The following ZNF831 variants were observed in gnomAD, a reference collection of about 807,000 sequenced individuals.
ZNF831 encodes chromosome 20 open reading frame 174.
In ZNF831, 59 loss-of-function variants were observed where a neutral mutation model predicts 95.8. The ratio of observed to expected loss-of-function variants is 0.62; its 90% CI spans 0.50 to 0.77. The LOEUF (loss-of-function observed/expected upper bound fraction) is 0.77, where lower values mean the gene tolerates loss of function less well. Ranked by LOEUF, ZNF831 falls within the 30% of genes least tolerant of loss-of-function variation. The pLI is 0.00. For synonymous variants in ZNF831, 961 were observed against 925.5 expected (o/e 1.04, Z -0.70); for missense variants, 2,205 against 2,164.0 (o/e 1.02, Z -0.38).
In ZNF831 at chr20:59,195,852, A is replaced by T; in HGVS notation, c.3739-17A>T. On this transcript the variant is annotated splice_polypyrimidine_tract_variant and intron_variant, in intron 2 of 5. Transcript: ENST00000371030. The stretch of plus-strand genomic sequence containing the variant: ...GGACTTTGAGTAATGTGATGCCAAC[A>T]TGCTTGGTGTTTTCAGTTCTCCTAC... The T allele has an allele frequency of 6.2e-7, 1 of 1,607,302 alleles. No individual in the cohort carries two copies. Among genetic ancestry groups the T allele is most frequent in the East Asian group, 2.2e-5 (1 of 44,770 alleles).
At chr20:59,133,437 C>A (rs541134732) in intron 1 of ZNF831, among the ~76,000 whole-genome samples, 6 of 152,182 alleles carry the variant, frequency 3.9e-5, no homozygotes, top group Non-Finnish European at 8.8e-5. Context: ...AAGTTCTTAT[C>A]CAAACTCAAT....
In ZNF831 at chr20:59,169,228, G is replaced by A. The variant is rs1364272042; in HGVS notation, c.-37+5021G>A. ...ATTCAATCTGATAAATAGTTATAGT[G>A]TGATTCTCATGTGATTCAAATGATC... On this transcript the variant is annotated intron_variant, in intron 1 of 5. Coordinates refer to ENST00000371030, the MANE Select transcript of ZNF831 (RefSeq NM_178457.3). The surrounding 1 kb of genome is among the most constrained non-coding windows in gnomAD (Gnocchi z 4.1). Among the ~76,000 whole-genome samples, 2 of 152,186 alleles carry A rather than the reference G, an allele frequency of 1.3e-5. No homozygotes were observed. The highest frequency in any genetic ancestry group is 2.9e-5 in the Non-Finnish European group (2 of 68,046).
chr20:59,240,696 G>A (rs111536798), intron 4 of ZNF831, among the ~76,000 whole-genome samples: 56 of 152,188 alleles, frequency 3.7e-4, no homozygotes, highest in African/African-American at 9.9e-4. Context: ...CAGCTACTCC[G>A]GAGGCTGAGG....
At position 59,193,540 on chromosome 20, in the gene ZNF831, G is replaced by T. The variant is rs200422985; in HGVS notation, c.2521G>T (p.Ala841Ser). 6.2e-7 allele frequency: 1 copy of T among 1,605,498 alleles called. No individual in the cohort carries two copies. Among genetic ancestry groups the T allele is most frequent in the Non-Finnish European group, 8.5e-7 (1 of 1,176,262 alleles). ...CTGGAAGCAACCAGAGCCTGTGAGC[G>T]CAGAGACCCCAGGTGGGCCCACGCA... ...HSWKQPEPVS[A>S]ETPGGPTQPA... The change falls in exon 2 of 6, where the codon GCA (alanine) becomes TCA (serine). Residue 841 changes from alanine (A) to serine (S), a missense_variant. By Grantham distance (99) the Ala-to-Ser change is moderately conservative. Coordinates refer to ENST00000371030, the MANE Select transcript of ZNF831 (RefSeq NM_178457.3).
chr20:59,185,978 T>A (rs1982999558), intron 1 of ZNF831, among the ~76,000 whole-genome samples: 2 of 152,186 alleles, frequency 1.3e-5, no homozygotes, highest in African/African-American at 2.4e-5. Context: ...AGGCAGTGCT[T>A]CTGTGTCTGA....
intron 4 of ZNF831, among the ~76,000 whole-genome samples, chr20:59,223,263 C>G (rs1986216525): frequency 6.6e-6 from 1 of 152,146 alleles, no homozygotes; most frequent in African/African-American, 2.4e-5. Context: ...GGATGTAAAG[C>G]AGAATCCAGG....
In ZNF831 at chr20:59,216,928, G is replaced by A. The variant is rs1985719991; in HGVS notation, c.4027+9872G>A. On this transcript the variant is annotated intron_variant, in intron 4 of 5. Transcript: ENST00000371030. ...TGACTGATTAGAAGACCACTGACAGGTGGGGCACTTTTGTTCTTAAAAAAA... is the reference window on the plus strand; with the variant it reads ...TGACTGATTAGAAGACCACTGACAGATGGGGCACTTTTGTTCTTAAAAAAA... Among the ~76,000 whole-genome samples, 6 of 150,352 alleles carry A rather than the reference G, an allele frequency of 4.0e-5. No homozygotes were observed. In the South Asian group the frequency reaches 1.2e-3, roughly 31 times the overall value.
At chr20:59,250,792 G>T (rs1175711638) in intron 4 of ZNF831, among the ~76,000 whole-genome samples, 1 of 152,114 alleles carries the variant, frequency 6.6e-6, no homozygotes, top group Admixed American at 6.5e-5. Context: ...AAACTCATTG[G>T]AATATAAAGT....
intron 3 of ZNF831, among the ~76,000 whole-genome samples, chr20:59,205,378 C>T (rs1342005892): frequency 2.0e-5 from 3 of 152,192 alleles, no homozygotes; most frequent in African/African-American, 7.2e-5. Flanking sequence ...ACAAACCAGC[C>T]ACCACTGCCT....
At chr20:59,221,406 G>A (rs1371687829) in intron 4 of ZNF831, among the ~76,000 whole-genome samples, 2 of 152,148 alleles carry the variant, frequency 1.3e-5, no homozygotes, top group African/African-American at 4.8e-5. Flanking sequence ...AGGCCTCCCT[G>A]GCAATACTGT....
intron 1 of ZNF831, among the ~76,000 whole-genome samples, chr20:59,135,086 C>A (rs1979461370): frequency 6.6e-6 from 1 of 152,150 alleles, no homozygotes; most frequent in South Asian, 2.1e-4. Context: ...TATTATTATT[C>A]TTGTTGACCC....
At chr20:59,148,270 C>T (rs1251267861) in intron 2 of ZNF831, among the ~76,000 whole-genome samples, 1 of 152,094 alleles carries the variant, frequency 6.6e-6, no homozygotes, top group African/African-American at 2.4e-5. Flanking sequence ...GGGCTGGCCT[C>T]TCTGTTGAGG....
rs773949925 is a variant in ZNF831 at position 59,257,615 on chromosome 20, A to C, written c.*2872A>C. 6.6e-6 allele frequency: 1 copy of C among 152,236 alleles called. No homozygotes were observed. The highest frequency in any genetic ancestry group is 1.5e-5 in the Non-Finnish European group (1 of 68,044). 9.4% of individuals were successfully genotyped at this position (152,236 alleles called of 1,614,324 possible). On this transcript the variant is annotated 3_prime_UTR_variant, in exon 6 of 6. Coordinates refer to ENST00000371030, the MANE Select transcript of ZNF831 (RefSeq NM_178457.3). ...AACTACCACAGTTTTATACTCTGCA[A>C]GTGTGTACTGCATGATGGTTAAGGA...
intron 1 of ZNF831, among the ~76,000 whole-genome samples, chr20:59,128,494 A>G (rs1171711139): frequency 6.6e-6 from 1 of 152,248 alleles, no homozygotes; most frequent in Non-Finnish European, 1.5e-5. Context: ...CCTGGGGGAC[A>G]GTGCCCAGAT....
chr20:59,244,799 AT>A (rs1255562771), intron 4 of ZNF831, among the ~76,000 whole-genome samples: 1 of 152,112 alleles, frequency 6.6e-6, no homozygotes, highest in Non-Finnish European at 1.5e-5. Context: ...ACGTATATAG[AT>A]TGTTTTAATA....
intron 4 of ZNF831, among the ~76,000 whole-genome samples, chr20:59,243,351 AC>A (rs1349852116): frequency 1.3e-5 from 2 of 152,230 alleles, no homozygotes; most frequent in Non-Finnish European, 2.9e-5. Flanking sequence ...TAAAAGGTTT[AC>A]CTAATCACGT....
chr20:59,198,526 A>G (rs1984286923), intron 3 of ZNF831, among the ~76,000 whole-genome samples: 1 of 152,128 alleles, frequency 6.6e-6, no homozygotes, highest in African/African-American at 2.4e-5. Context: ...TGGCCCCCAT[A>G]GCATTTGAGT....
rs1368516338 is a variant in ZNF831, at chr20:59,150,122, A to G, written c.-1281+3748A>G. ...GGTAACCACCAGGCTCCTCACAGAA[A>G]CCAAAGAGGAACAGATTTTAGATTT... On this transcript the variant is annotated intron_variant, in intron 2 of 7. Coordinates refer to the ZNF831 transcript ENST00000637017. Among the ~76,000 whole-genome samples, 6 of 152,342 alleles carry G rather than the reference A, an allele frequency of 3.9e-5. No homozygotes were observed. The East Asian group carries it at 1.2e-3, about 29-fold the overall frequency.
intron 2 of ZNF831, chr20:59,146,642 G>A (rs747529356): frequency 1.3e-5 from 2 of 152,410 alleles, no homozygotes; most frequent in Non-Finnish European, 2.9e-5. Context: ...GGATGAAGGT[G>A]CCGTCCTGCC....
Sources: gnomAD v4.1 joint callset for allele counts (sites outside exome capture counted in the v4.1 genomes callset) on GRCh38, gnomAD v4.1.1 for gene constraint, Gnocchi (gnomAD v3.1) non-coding constraint, MANE v1.5 for transcripts, NCBI Gene and HGNC (gene_info 2026-07-23, HGNC 2026-07-21) for gene names.